The following PLCB1 variants were observed in gnomAD, a reference collection of about 807,000 sequenced individuals.
PLCB1 encodes the protein 1-phosphatidylinositol 4,5-bisphosphate phosphodiesterase beta-1.
Under a neutral mutation model 161.8 loss-of-function variants are expected in PLCB1, and 46 were observed. The ratio of observed to expected loss-of-function variants is 0.28; its 90% CI spans 0.22 to 0.36. PLCB1 has a LOEUF of 0.36. PLCB1 is among the 10% of genes least tolerant of loss of function. PLCB1 has a pLI of 1.00. For missense variants in PLCB1, 1,016 were observed against 1,472.5 expected (o/e 0.69, Z 5.07); for synonymous variants, 517 against 503.7 (o/e 1.03, Z -0.35).
chr20:8,563,389 A>G (rs1359359838), intron 3 of PLCB1, among the ~76,000 whole-genome samples: 2 of 152,088 alleles, frequency 1.3e-5, no homozygotes, highest in African/African-American at 4.8e-5. Flanking sequence ...TCAAGACCCC[A>G]TCATCTCTCT....
chr20:8,750,849 C>T, intron 23 of PLCB1: 1 of 1,365,116 alleles, frequency 7.3e-7, no homozygotes, highest in Non-Finnish European at 9.8e-7. Flanking sequence ...CCGTAATACG[C>T]TGGAAAAACT....
At chr20:8,812,013 G>A (rs1272054285) in intron 31 of PLCB1, among the ~76,000 whole-genome samples, 3 of 152,318 alleles carry the variant, frequency 2.0e-5, no homozygotes, top group Middle Eastern at 3.4e-3. Flanking sequence ...TCATTAGCAA[G>A]TGAAAAATTT....
chr20:8,754,400 A>C (rs1459492965), intron 23 of PLCB1, among the ~76,000 whole-genome samples: 1 of 151,914 alleles, frequency 6.6e-6, no homozygotes, highest in Admixed American at 6.6e-5. Flanking sequence ...TGCCAAAAAA[A>C]AAAAAAAAGC....
At chr20:8,167,942 G>A (rs755666675) in intron 2 of PLCB1, among the ~76,000 whole-genome samples, 1 of 152,138 alleles carries the variant, frequency 6.6e-6, no homozygotes, top group Non-Finnish European at 1.5e-5. Context: ...TGGGTTGGAT[G>A]TGTGGCTCTG....
chr20:8,673,442 G>A (rs1989998701), intron 9 of PLCB1, among the ~76,000 whole-genome samples: 1 of 152,162 alleles, frequency 6.6e-6, no homozygotes, highest in African/African-American at 2.4e-5. Flanking sequence ...CTTCTTCTAG[G>A]CAGAGGTAGG....
At chr20:8,611,125 G>T (rs941059416) in intron 3 of PLCB1, among the ~76,000 whole-genome samples, 5 of 151,788 alleles carry the variant, frequency 3.3e-5, no homozygotes, top group Admixed American at 1.3e-4. Context: ...TTTATTTATA[G>T]AAGGTAAGGA....
At chr20:8,780,193 G>A (rs1023849157) in intron 27 of PLCB1, among the ~76,000 whole-genome samples, 1 of 152,118 alleles carries the variant, frequency 6.6e-6, no homozygotes, top group Non-Finnish European at 1.5e-5. Flanking sequence ...GGTGAGGCGT[G>A]GAAATTCTTA....
At chr20:8,332,144 CT>C in intron 2 of PLCB1, among the ~76,000 whole-genome samples, 1 of 152,268 alleles carries the variant, frequency 6.6e-6, no homozygotes, top group Non-Finnish European at 1.5e-5. Context: ...TTCATAATGC[CT>C]TGTGCTGCCC....
At chr20:8,809,560 G>C (rs950014067) in intron 31 of PLCB1, among the ~76,000 whole-genome samples, 4 of 152,020 alleles carry the variant, frequency 2.6e-5, no homozygotes, top group African/African-American at 7.2e-5. Flanking sequence ...TTTTCCAGGA[G>C]AGCCGTATAT....
At position 8,658,629 on chromosome 20, in the gene PLCB1, T is replaced by C. The variant is rs747598560; in HGVS notation, c.787T>C (p.Tyr263His). 1.2e-5 allele frequency: 19 copies of C among 1,612,924 alleles called. No individual in the cohort carries two copies. Among genetic ancestry groups the C allele is most frequent in the Non-Finnish European group, 8.5e-7 (1 of 1,179,304 alleles). ...AGATCCTCGGCTTAATGAAATACTT[T>C]ATCCACCTCTAAAACAAGAGCAAGT... ...QRDPRLNEIL[Y>H]PPLKQEQVQV... Residue 263 changes from tyrosine to histidine, a missense_variant, in exon 9 of 32, where the codon TAT becomes CAT. Transcript: ENST00000338037.
intron 3 of PLCB1, among the ~76,000 whole-genome samples, chr20:8,400,330 T>A (rs951850688): frequency 3.9e-5 from 6 of 152,190 alleles, no homozygotes; most frequent in African/African-American, 1.2e-4. Flanking sequence ...AGAATTTTCT[T>A]ACCACTGATT....
intron 2 of PLCB1, among the ~76,000 whole-genome samples, chr20:8,169,984 A>G (rs760811600): frequency 6.6e-6 from 1 of 152,178 alleles, no homozygotes; most frequent in East Asian, 1.9e-4. Context: ...TGCATCTTCT[A>G]TTAAAAGAAT....
chr20:8,537,679 A>C (rs1312119131), intron 3 of PLCB1, among the ~76,000 whole-genome samples: 1 of 152,140 alleles, frequency 6.6e-6, no homozygotes, highest in African/African-American at 2.4e-5. Context: ...TAGAGTGTAA[A>C]AGCTTTTAAG....
chr20:8,333,618 C>T (rs1403536129), intron 2 of PLCB1, among the ~76,000 whole-genome samples: 1 of 152,100 alleles, frequency 6.6e-6, no homozygotes, highest in Non-Finnish European at 1.5e-5. Context: ...TACTCAGCTT[C>T]CTAGAATGCA....
rs949007406 is a variant in PLCB1, at chr20:8,580,031, A to C, written c.247-48263A>C. 2.6e-5 allele frequency among the ~76,000 whole-genome samples: 4 copies of C among 152,150 alleles called. No homozygotes were observed. The East Asian group carries it at 7.7e-4, about 29-fold the overall frequency. On this transcript the variant is annotated intron_variant, in intron 3 of 31. Transcript: ENST00000338037. ...GGTACCTGGCCCTGGGTGATGGAGC[A>C]GTAGAATATTGGCCCTGAGTATGAC...
At chr20:8,351,892 G>A (rs1442100146) in intron 2 of PLCB1, among the ~76,000 whole-genome samples, 1 of 152,004 alleles carries the variant, frequency 6.6e-6, no homozygotes, top group African/African-American at 2.4e-5. Flanking sequence ...TTACTAATGG[G>A]GTTGCAAAAT....
intron 3 of PLCB1, among the ~76,000 whole-genome samples, chr20:8,496,792 C>T (rs1225807734): frequency 6.6e-6 from 1 of 152,174 alleles, no homozygotes; most frequent in African/African-American, 2.4e-5. Flanking sequence ...CTACCAAGTA[C>T]AATCTTTTGT....
At chr20:8,484,361 TCTTC>T (rs987489756) in intron 3 of PLCB1, among the ~76,000 whole-genome samples, 1 of 149,346 alleles carries the variant, frequency 6.7e-6, no homozygotes, top group African/African-American at 2.5e-5. Context: ...TGCTTCTTCT[TCTTC>T]TTTTTTTTTT....
chr20:8,418,471 A>G (rs931418690), intron 3 of PLCB1, among the ~76,000 whole-genome samples: 4 of 152,176 alleles, frequency 2.6e-5, no homozygotes, highest in African/African-American at 9.7e-5. Context: ...ACAATTATAC[A>G]TAAATTTTTA....
Sources: gnomAD v4.1 joint callset for allele counts (sites outside exome capture counted in the v4.1 genomes callset) on GRCh38, gnomAD v4.1.1 for gene constraint, MANE v1.5 for transcripts, NCBI Gene and HGNC (gene_info 2026-07-23, HGNC 2026-07-21) for gene names.